The following WASF3 variants were observed in gnomAD, a reference collection of about 807,000 sequenced individuals.
The protein encoded by WASF3 is actin-binding protein WASF3.
Under a neutral mutation model 46.6 loss-of-function variants are expected in WASF3, and 11 were observed. That is an observed-to-expected ratio of 0.24 (90% CI 0.15 to 0.39). The LOEUF is 0.39. Among genes scored for constraint, WASF3 ranks in the 10% least tolerant of loss-of-function variants. The probability of loss-of-function intolerance (pLI) is 1.00; values close to 1 mark genes in which losing one functional copy is unlikely to be tolerated. For missense variants in WASF3, 576 were observed against 669.8 expected (o/e 0.86, Z 1.55); for synonymous variants, 242 against 259.7 (o/e 0.93, Z 0.65).
At chr13:26,581,590 T>C (rs1325311881) in intron 1 of WASF3, among the ~76,000 whole-genome samples, 1 of 152,128 alleles carries the variant, frequency 6.6e-6, no homozygotes. Flanking sequence ...GTTTAGTGTT[T>C]TGATTAAAGT....
intron 9 of WASF3, 54 bp from the exon 10 acceptor site, chr13:26,685,634 T>G (rs1351948702): frequency 6.3e-6 from 10 of 1,591,310 alleles, no homozygotes; most frequent in Non-Finnish European, 6.0e-6. Flanking sequence ...TCGTTTATCT[T>G]TAATTTGGAG....
At chr13:26,581,990 GAGCTTC>G (rs1382646914) in intron 1 of WASF3, among the ~76,000 whole-genome samples, 2 of 152,322 alleles carry the variant, frequency 1.3e-5, no homozygotes, top group African/African-American at 4.8e-5. Flanking sequence ...TATAATCGAT[GAGCTTC>G]CTCTTTAGAA....
At chr13:26,598,948 G>C (rs1009737533) in intron 1 of WASF3, among the ~76,000 whole-genome samples, 2 of 152,132 alleles carry the variant, frequency 1.3e-5, no homozygotes, top group Non-Finnish European at 2.9e-5. Flanking sequence ...TTGGCTCGCT[G>C]CATCCTCTGT....
At chr13:26,661,859 TA>T (rs1882641827) in intron 3 of WASF3, among the ~76,000 whole-genome samples, 2 of 152,218 alleles carry the variant, frequency 1.3e-5, no homozygotes, top group African/African-American at 4.8e-5. Flanking sequence ...TTAAAACTGT[TA>T]AAATGATTGA....
At chr13:26,619,742 A>G (rs1438645488) in intron 2 of WASF3, among the ~76,000 whole-genome samples, 1 of 152,178 alleles carries the variant, frequency 6.6e-6, no homozygotes, top group Non-Finnish European at 1.5e-5. Context: ...GGAAATGTAA[A>G]CCACCTCCTT....
chr13:26,559,142 C>G (rs1485282368), intron 1 of WASF3, among the ~76,000 whole-genome samples: 1 of 152,312 alleles, frequency 6.6e-6, no homozygotes, highest in African/African-American at 2.4e-5. Context: ...AAGGCATTCT[C>G]ATTGTGTCCT....
At chr13:26,576,537 T>C (rs530520642) in intron 1 of WASF3, among the ~76,000 whole-genome samples, 131 of 152,208 alleles carry the variant, frequency 8.6e-4, no homozygotes, top group African/African-American at 3.0e-3. Flanking sequence ...AGCCAGGAGA[T>C]TGTAATGTTT....
Position 26,642,408 on chromosome 13 carries a change from G to A in WASF3, c.133+5G>A. ...TACGCCAGCTGAGCAGTCTGAGTAAGCCATCTTTTTTCTGATTACCAATGA... is the reference window on the plus strand; with the variant it reads ...TACGCCAGCTGAGCAGTCTGAGTAAACCATCTTTTTTCTGATTACCAATGA... On this transcript the variant is annotated splice_donor_5th_base_variant and intron_variant, in intron 3 of 9. Transcript: ENST00000335327. The A allele has an allele frequency of 6.4e-7, 1 of 1,573,276 alleles. No homozygotes were observed. Among genetic ancestry groups the A allele is most frequent in the Non-Finnish European group, 8.6e-7 (1 of 1,167,182 alleles).
chr13:26,675,140 ATTTGT>A (rs1397251740), intron 6 of WASF3, among the ~76,000 whole-genome samples: 1 of 151,620 alleles, frequency 6.6e-6, no homozygotes, highest in African/African-American at 2.4e-5. Context: ...CCCTCTTTTA[ATTTGT>A]TTTCTGTAAC....
chr13:26,674,350 G>A (rs1291878110), intron 6 of WASF3, among the ~76,000 whole-genome samples: 2 of 152,084 alleles, frequency 1.3e-5, no homozygotes, highest in Non-Finnish European at 2.9e-5. Context: ...TTTTTAATAC[G>A]ATGGTTCTTA....
chr13:26,547,311 C>T, the WASF3 span, among the ~76,000 whole-genome samples: 1 of 151,946 alleles, frequency 6.6e-6, no homozygotes, highest in Non-Finnish European at 1.5e-5. Flanking sequence ...AATAAATTGA[C>T]TGACAAAATT....
chr13:26,566,303 A>G (rs925437200), intron 1 of WASF3, among the ~76,000 whole-genome samples: 10 of 152,260 alleles, frequency 6.6e-5, no homozygotes, highest in Non-Finnish European at 1.2e-4. Context: ...AACATAAGCA[A>G]TGGAGACTTT....
At chr13:26,584,461 A>C (rs998779991) in intron 1 of WASF3, among the ~76,000 whole-genome samples, 1 of 152,212 alleles carries the variant, frequency 6.6e-6, no homozygotes, top group Non-Finnish European at 1.5e-5. Flanking sequence ...AATGAAGACT[A>C]TATGGTCTCT....
chr13:26,633,216 T>TTTTTTTTTTA, intron 2 of WASF3, among the ~76,000 whole-genome samples: 1 of 147,560 alleles, frequency 6.8e-6, no homozygotes, highest in South Asian at 2.2e-4. Flanking sequence ...TTTTTTTTTT[T>TTTTTTTTTTA]CTTGAGGCAG....
At chr13:26,662,877 A>G (rs1882671146) in intron 3 of WASF3, among the ~76,000 whole-genome samples, 1 of 151,962 alleles carries the variant, frequency 6.6e-6, no homozygotes, top group Non-Finnish European at 1.5e-5. Flanking sequence ...TCATACACAT[A>G]CACATACACA....
chr13:26,599,038 T>G (rs1032226848), intron 1 of WASF3, among the ~76,000 whole-genome samples: 1 of 151,956 alleles, frequency 6.6e-6, no homozygotes, highest in Non-Finnish European at 1.5e-5. Flanking sequence ...GCCTGGCTAA[T>G]TTTTGTATTT....
chr13:26,591,152 G>A (rs756311389), intron 1 of WASF3, among the ~76,000 whole-genome samples: 9 of 151,844 alleles, frequency 5.9e-5, no homozygotes, highest in Non-Finnish European at 1.2e-4. Flanking sequence ...GAGGGGAGAG[G>A]GAGAGAGTAA....
chr13:26,554,163 G>A (rs945863296), upstream of WASF3, among the ~76,000 whole-genome samples: 4 of 139,446 alleles, frequency 2.9e-5, no homozygotes, highest in African/African-American at 1.1e-4. Context: ...GTCTTACTCT[G>A]TCACACAGGC....
chr13:26,560,402 T>A (rs1432609154), intron 1 of WASF3, among the ~76,000 whole-genome samples: 2 of 152,236 alleles, frequency 1.3e-5, no homozygotes, highest in Admixed American at 1.3e-4. Flanking sequence ...GTCTTATTGT[T>A]GTCCTATTCC....
Sources: gnomAD v4.1 joint callset for allele counts (sites outside exome capture counted in the v4.1 genomes callset) on GRCh38, gnomAD v4.1.1 for gene constraint, MANE v1.5 for transcripts, NCBI Gene and HGNC (gene_info 2026-07-23, HGNC 2026-07-21) for gene names.